The following NKAIN2 variants were observed in gnomAD, a reference collection of about 807,000 sequenced individuals.
NKAIN2 encodes the protein sodium/potassium transporting ATPase interacting 2, also known as sodium/potassium-transporting ATPase subunit beta-1-interacting protein 2.
NKAIN2 carries 14 observed loss-of-function variants against 32.6 expected under a neutral mutation model. The ratio of observed to expected loss-of-function variants is 0.43; its 90% CI spans 0.28 to 0.67. The LOEUF (loss-of-function observed/expected upper bound fraction) is 0.67. Among genes scored for constraint, NKAIN2 ranks in the 30% least tolerant of loss-of-function variants. NKAIN2 has a pLI of 0.17. For missense variants in NKAIN2, 198 were observed against 258.3 expected, an observed-to-expected ratio of 0.77 and a Z score of 1.60; for synonymous variants, 80 against 87.2, an observed-to-expected ratio of 0.92 and a Z score of 0.46.
At chr6:124,346,818 C>G (rs1411263756) in intron 2 of NKAIN2, among the ~76,000 whole-genome samples, 2 of 151,878 alleles carry the variant, frequency 1.3e-5, no homozygotes, top group Non-Finnish European at 2.9e-5. Flanking sequence ...TTAATTGGAG[C>G]ATTTAGTCCA....
At chr6:124,510,648 T>C (rs1411134285) in intron 3 of NKAIN2, among the ~76,000 whole-genome samples, 1 of 152,216 alleles carries the variant, frequency 6.6e-6, no homozygotes, top group Non-Finnish European at 1.5e-5. Flanking sequence ...TTATAAAGCA[T>C]GGACATTTGA....
In NKAIN2 at chr6:124,420,085, A is replaced by G. The variant is rs117564112; in HGVS notation, c.273+64738A>G. ...GTTAAAGATCATTAAACTTGGTTAT[A>G]TACTCTTTAAAAATGGAAAAGAAAA... On this transcript the variant is annotated intron_variant, in intron 3 of 6. Transcript: ENST00000368417. Among the ~76,000 whole-genome samples, 420 of 152,250 alleles carry G rather than the reference A, an allele frequency of 2.8e-3. 2 individuals carry two copies. The highest frequency in any genetic ancestry group is 3.4e-3 in the Middle Eastern group (1 of 294).
intron 1 of NKAIN2, among the ~76,000 whole-genome samples, chr6:124,148,216 G>C (rs1787518359): frequency 6.6e-6 from 1 of 151,818 alleles, no homozygotes; most frequent in Non-Finnish European, 1.5e-5. Flanking sequence ...GCACTTTTGT[G>C]ATTACTATTT....
At chr6:124,602,445 A>T (rs1272889099) in intron 3 of NKAIN2, among the ~76,000 whole-genome samples, 1 of 151,956 alleles carries the variant, frequency 6.6e-6, no homozygotes, top group Non-Finnish European at 1.5e-5. Flanking sequence ...ACTTTCCTTT[A>T]TAATCTGTTA....
chr6:124,261,978 T>G (rs865953479), intron 1 of NKAIN2, among the ~76,000 whole-genome samples: 2 of 152,000 alleles, frequency 1.3e-5, no homozygotes, highest in South Asian at 4.2e-4. Flanking sequence ...ACCCAGTAAG[T>G]ACCTATGTTA....
At chr6:124,363,608 A>G (rs528582899) in intron 3 of NKAIN2, among the ~76,000 whole-genome samples, 2 of 152,290 alleles carry the variant, frequency 1.3e-5, no homozygotes, top group East Asian at 3.9e-4. Flanking sequence ...ACAGGGAAGG[A>G]CTCTATAGAA....
chr6:124,404,476 C>G (rs1219192689), intron 3 of NKAIN2, among the ~76,000 whole-genome samples: 1 of 152,134 alleles, frequency 6.6e-6, no homozygotes, highest in African/African-American at 2.4e-5. Flanking sequence ...TTCTCCAAAT[C>G]CTAAACCAGT....
At chr6:124,474,834 A>T (rs1777121573) in intron 3 of NKAIN2, among the ~76,000 whole-genome samples, 1 of 145,720 alleles carries the variant, frequency 6.9e-6, no homozygotes, top group African/African-American at 2.6e-5. Flanking sequence ...TATATTTTAC[A>T]TACATATATA....
intron 4 of NKAIN2, among the ~76,000 whole-genome samples, chr6:124,787,685 C>G (rs1208176993): frequency 1.3e-5 from 2 of 151,990 alleles, no homozygotes; most frequent in Non-Finnish European, 2.9e-5. Flanking sequence ...GGATTTGGAC[C>G]CATGAAAAAT....
chr6:124,457,570 C>A (rs187160019), intron 3 of NKAIN2, among the ~76,000 whole-genome samples: 41 of 152,030 alleles, frequency 2.7e-4, no homozygotes, highest in African/African-American at 8.9e-4. Flanking sequence ...AGAGTTAGAT[C>A]ATCTCTAAGT....
intron 3 of NKAIN2, among the ~76,000 whole-genome samples, chr6:124,493,038 C>T (rs1777926522): frequency 6.6e-6 from 1 of 151,706 alleles, no homozygotes. Flanking sequence ...GTTATGGCAC[C>T]TATTAATACA....
intron 1 of NKAIN2, among the ~76,000 whole-genome samples, chr6:124,102,174 C>T (rs1416197323): frequency 2.0e-5 from 3 of 152,152 alleles, no homozygotes; most frequent in African/African-American, 4.8e-5. Flanking sequence ...TGCTGAAGCA[C>T]AGGAAAAGGA....
chr6:124,811,529 A>G (rs1197479392), intron 5 of NKAIN2, among the ~76,000 whole-genome samples: 1 of 152,154 alleles, frequency 6.6e-6, no homozygotes, highest in Non-Finnish European at 1.5e-5. Context: ...GGTAATTTCT[A>G]AATTCCACTA....
At chr6:123,839,722 A>G (rs1186573353) in intron 1 of NKAIN2, among the ~76,000 whole-genome samples, 1 of 152,122 alleles carries the variant, frequency 6.6e-6, no homozygotes, top group Non-Finnish European at 1.5e-5. Flanking sequence ...CTGAATGGTT[A>G]TATGTTATTT....
chr6:124,175,424 G>A (rs529320143), intron 1 of NKAIN2, among the ~76,000 whole-genome samples: 15 of 152,304 alleles, frequency 9.8e-5, no homozygotes, highest in East Asian at 3.9e-4. Context: ...TTCACTTGGC[G>A]TAAATTTAAA....
At chr6:124,182,960 G>C (rs991690329) in intron 1 of NKAIN2, among the ~76,000 whole-genome samples, 1 of 152,204 alleles carries the variant, frequency 6.6e-6, no homozygotes, top group South Asian at 2.1e-4. Flanking sequence ...TAAAGCCTAA[G>C]TATTACTGAA....
At chr6:124,625,006 A>G (rs1437192259) in intron 3 of NKAIN2, among the ~76,000 whole-genome samples, 1 of 152,130 alleles carries the variant, frequency 6.6e-6, no homozygotes, top group Non-Finnish European at 1.5e-5. Context: ...ATTTAGTTCT[A>G]TACTAAGATA....
intron 1 of NKAIN2, among the ~76,000 whole-genome samples, chr6:123,994,508 T>A (rs1355961342): frequency 6.6e-6 from 1 of 151,994 alleles, no homozygotes; most frequent in African/African-American, 2.4e-5. Flanking sequence ...CGTAAGCAAA[T>A]AGTAAGGCTC....
intron 3 of NKAIN2, among the ~76,000 whole-genome samples, chr6:124,512,218 T>G (rs1409074489): frequency 6.6e-6 from 1 of 152,196 alleles, no homozygotes; most frequent in East Asian, 1.9e-4. Flanking sequence ...TGGTACATGT[T>G]GCAGCTACAC....
Sources: allele counts gnomAD v4.1 joint callset (sites outside exome capture counted in the v4.1 genomes callset), GRCh38; gene constraint gnomAD v4.1.1; transcripts MANE v1.5; gene names NCBI Gene and HGNC (gene_info 2026-07-23, HGNC 2026-07-21).